The following P2RY8 variants were observed in gnomAD, a reference collection of about 807,000 sequenced individuals.
P2RY8 encodes the protein P2Y receptor family member 8.
P2RY8 carries 6 observed loss-of-function variants against 10.0 expected under a neutral mutation model. That is an observed-to-expected ratio of 0.60 (90% CI 0.33 to 1.19). The LOEUF (loss-of-function observed/expected upper bound fraction) is 1.19, where lower values mean the gene tolerates loss of function less well. P2RY8 is among the 50% of genes most tolerant of loss of function. P2RY8 has a pLI of 0.04. For missense variants in P2RY8, 456 were observed against 542.0 expected (o/e 0.84, Z 1.58); for synonymous variants, 276 against 252.5 (o/e 1.09, Z -0.88).
rs769845949 is a variant in P2RY8, at chrX:1,465,995, G to C, written c.564C>G (p.Ala188=). The C allele has an allele frequency of 6.8e-6, 11 of 1,612,212 alleles. No homozygotes were observed. Among genetic ancestry groups the C allele is most frequent in the Non-Finnish European group, 9.3e-6 (11 of 1,179,792 alleles). Residue 188 remains alanine, a synonymous_variant, in exon 2 of 2, where the codon GCC becomes GCG. Coordinates refer to ENST00000381297, the MANE Select transcript of P2RY8 (RefSeq NM_178129.5). The part of the protein sequence containing the change: ...VLKWTMLPSV[A]MWAVFLFTIF... The stretch of plus-strand genomic sequence containing the variant: ...TGGTGAAGAGGAACACGGCCCACAT[G>C]GCCACGCTGGGGAGCATCGTCCACT...
chrX:1,512,480 G>A (rs1238300120), intron 1 of P2RY8, among the ~76,000 whole-genome samples: 2 of 149,576 alleles, frequency 1.3e-5, no homozygotes, highest in South Asian at 2.1e-4. Context: ...CTGGGAGGTG[G>A]AGGTTGCAGT....
At chrX:1,466,710 T>TCTTC (rs373267810) in intron 1 of P2RY8, 128 bp from the exon 2 acceptor site, 2 of 616,488 alleles carry the variant, frequency 3.2e-6, no homozygotes, top group African/African-American at 1.9e-5. Context: ...GCCTGCTGTC[T>TCTTC]CCTCCCTCCC....
intron 1 of P2RY8, among the ~76,000 whole-genome samples, chrX:1,503,790 G>A (rs1360873919): frequency 2.0e-5 from 3 of 152,078 alleles, no homozygotes; most frequent in African/African-American, 4.8e-5. Flanking sequence ...AGCTAATCAG[G>A]AGGCTGAGGC....
At chrX:1,514,041 A>G (rs1490416219) in intron 1 of P2RY8, among the ~76,000 whole-genome samples, 2 of 152,204 alleles carry the variant, frequency 1.3e-5, no homozygotes, top group Non-Finnish European at 2.9e-5. Flanking sequence ...TATCTTTTGC[A>G]GGTACGCACC....
At chrX:1,477,196 A>AGAAG (rs1556675914) in intron 1 of P2RY8, among the ~76,000 whole-genome samples, 3 of 35,048 alleles carry the variant, frequency 8.6e-5, no homozygotes, top group Non-Finnish European at 1.8e-4. Flanking sequence ...CTCAAAAAAA[A>AGAAG]AAAAAGAAGA....
intron 1 of P2RY8, among the ~76,000 whole-genome samples, chrX:1,483,804 G>A (rs1465244069): frequency 6.6e-6 from 1 of 151,918 alleles, no homozygotes. Context: ...CCAAAGCTGA[G>A]CTCCCTTAAC....
intron 1 of P2RY8, among the ~76,000 whole-genome samples, chrX:1,474,860 G>T (rs1341737192): frequency 6.9e-6 from 1 of 145,398 alleles, no homozygotes. Context: ...CTGGATAGAT[G>T]AATAGGTGTA....
intron 1 of P2RY8, among the ~76,000 whole-genome samples, chrX:1,533,976 A>C (rs1308774314): frequency 8.1e-6 from 1 of 124,130 alleles, no homozygotes; most frequent in Non-Finnish European, 1.5e-5. Context: ...TTATAACTTA[A>C]ATATATTATA....
rs1198114768 is a variant in P2RY8 at position 1,463,846 on chromosome X, C to G, written c.*1633G>C. 8.6e-6 allele frequency: 2 copies of G among 233,222 alleles called. No homozygotes were observed. Among genetic ancestry groups the G allele is most frequent in the Non-Finnish European group, 1.7e-5 (2 of 118,090 alleles). The allele number at this position is 233,222 out of a possible 1,614,324, so 14.4% of individuals were successfully genotyped here. On this transcript the variant is annotated 3_prime_UTR_variant, in exon 2 of 2. Coordinates refer to ENST00000381297, the MANE Select transcript of P2RY8 (RefSeq NM_178129.5). ...TTTGTGTCTGTGTCTCCTCTTCCGT[C>G]TCTCATAGGGACACTGGATTGGGCC... is the stretch of plus-strand genomic sequence containing the variant.
chrX:1,526,806 G>A (rs1241531188), intron 1 of P2RY8, among the ~76,000 whole-genome samples: 1 of 151,888 alleles, frequency 6.6e-6, no homozygotes. Flanking sequence ...TTCATGCATC[G>A]ATGAATTCAC....
chrX:1,526,479 T>C (rs1327257313), intron 1 of P2RY8, among the ~76,000 whole-genome samples: 1 of 152,134 alleles, frequency 6.6e-6, no homozygotes, highest in Non-Finnish European at 1.5e-5. Flanking sequence ...CATCCATCCA[T>C]CCATTTATCC....
intron 1 of P2RY8, among the ~76,000 whole-genome samples, chrX:1,518,141 C>G (rs1394627616): frequency 1.8e-4 from 27 of 149,192 alleles, no homozygotes; most frequent in Non-Finnish European, 2.2e-4. Context: ...TAAAAATAAT[C>G]TTGGCCGGGC....
chrX:1,509,454 A>G (rs2092275525), intron 1 of P2RY8, among the ~76,000 whole-genome samples: 1 of 142,372 alleles, frequency 7.0e-6, no homozygotes, highest in Admixed American at 7.0e-5. Flanking sequence ...CTATGTATCT[A>G]TCCATCCATG....
At chrX:1,509,882 CTATCTATCTATGTATG>C (rs1180713750) in intron 1 of P2RY8, among the ~76,000 whole-genome samples, 1 of 151,470 alleles carries the variant, frequency 6.6e-6, no homozygotes, top group Non-Finnish European at 1.5e-5. Context: ...TCTATCCATT[CTATCTATCTATGTATG>C]TATCTATCTA....
intron 1 of P2RY8, among the ~76,000 whole-genome samples, chrX:1,510,514 A>G (rs1603458087): frequency 6.6e-6 from 1 of 152,254 alleles, no homozygotes; most frequent in African/African-American, 2.4e-5. Flanking sequence ...TCCTGGTAAG[A>G]GACTCTGACA....
chrX:1,529,525 G>A (rs2092459443), intron 1 of P2RY8, among the ~76,000 whole-genome samples: 1 of 152,062 alleles, frequency 6.6e-6, no homozygotes, highest in Non-Finnish European at 1.5e-5. Flanking sequence ...GGCGTGGTGG[G>A]TGGAGCCTGG....
chrX:1,473,230 T>A (rs1450686829), intron 1 of P2RY8, among the ~76,000 whole-genome samples: 10 of 145,898 alleles, frequency 6.9e-5, no homozygotes, highest in Admixed American at 1.4e-4. Context: ...GATGGATAGA[T>A]GAGTAGGTAG....
Position 1,465,745 on chromosome X carries a change from AGTAGCTCTTGCC to A in P2RY8, c.802_813del (p.Gly268_Tyr271del). 2 of 1,613,720 alleles carry A rather than the reference AGTAGCTCTTGCC, an allele frequency of 1.2e-6. No individual in the cohort carries two copies. Among genetic ancestry groups the A allele is most frequent in the Non-Finnish European group, 1.7e-6 (2 of 1,179,844 alleles). On this transcript the variant is annotated inframe_deletion, in exon 2 of 2. Transcript: ENST00000381297. ...CACAGCGTGAGCTTGTACACGTGGTAGTAGCTCTTGCCGTAGAACAGGCGGCTCACGATGTGC... is the reference window on the plus strand; with the variant it reads ...CACAGCGTGAGCTTGTACACGTGGTAGTAGAACAGGCGGCTCACGATGTGC...
At position 1,485,016 on chromosome X, in the gene P2RY8, A is replaced by C. The variant is rs1273105927; in HGVS notation, c.-24-18434T>G. 7.0e-5 allele frequency among the ~76,000 whole-genome samples: 9 copies of C among 128,276 alleles called. No individual in the cohort carries two copies. In the East Asian group the frequency reaches 1.9e-3, roughly 27 times the overall value. The allele number at this position is 128,276 out of a possible 152,430, so 84.2% of individuals were successfully genotyped here. A position where few individuals can be genotyped will look rare whatever the true frequency, so the allele number is the denominator to read the frequency against. On this transcript the variant is annotated intron_variant, in intron 1 of 1. Transcript: ENST00000381297. Reference sequence around the variant, plus strand: ...TTTTTTTTTTTTTTTTTTTTTAGAGACAGGATTGCAGTTTGTTGCTCAGGC... The same window carrying C: ...TTTTTTTTTTTTTTTTTTTTTAGAGCCAGGATTGCAGTTTGTTGCTCAGGC...
Sources: allele counts gnomAD v4.1 joint callset (sites outside exome capture counted in the v4.1 genomes callset), GRCh38; gene constraint gnomAD v4.1.1; transcripts MANE v1.5; gene names NCBI Gene and HGNC (gene_info 2026-07-23, HGNC 2026-07-21).